The following DMRT1 variants were observed in gnomAD, a reference collection of about 807,000 sequenced individuals.
DMRT1 encodes doublesex- and mab-3-related transcription factor 1.
A neutral mutation model predicts 32.3 loss-of-function variants in DMRT1; 7 were observed. The ratio of observed to expected loss-of-function variants is 0.22; its 90% CI spans 0.12 to 0.41. The LOEUF is 0.41. DMRT1 is among the 10% of genes least tolerant of loss of function. The pLI is 1.00. For missense variants in DMRT1, 625 were observed against 500.5 expected (o/e 1.25, Z -2.37); for synonymous variants, 278 against 206.1 (o/e 1.35, Z -2.99).
intron 4 of DMRT1, among the ~76,000 whole-genome samples, chr9:932,874 C>T (rs949167829): frequency 2.0e-5 from 3 of 151,876 alleles, no homozygotes; most frequent in South Asian, 4.2e-4. Context: ...GGAAGATGTG[C>T]ATGGGGCGCG....
intron 2 of DMRT1, among the ~76,000 whole-genome samples, chr9:878,301 G>C (rs1279967957): frequency 6.7e-6 from 1 of 149,382 alleles, no homozygotes; most frequent in East Asian, 2.0e-4. Context: ...AGATGGGACT[G>C]TGGGAGACAG....
chr9:949,827 G>A (rs1819371906), intron 4 of DMRT1, among the ~76,000 whole-genome samples: 1 of 152,160 alleles, frequency 6.6e-6, no homozygotes, highest in Non-Finnish European at 1.5e-5. Flanking sequence ...GTCCTTCCGT[G>A]TCTGGCTTAT....
intron 4 of DMRT1, among the ~76,000 whole-genome samples, chr9:952,243 C>T (rs73380482): frequency 0.03 from 4,527 of 152,208 alleles, 242 homozygotes; most frequent in African/African-American, 0.1. Context: ...CTGTGAATTA[C>T]GTAACCAAAT....
intron 4 of DMRT1, among the ~76,000 whole-genome samples, chr9:966,488 T>G (rs145700739): frequency 6.6e-6 from 1 of 152,338 alleles, no homozygotes; most frequent in Non-Finnish European, 1.5e-5. Context: ...TTTTTCAAAT[T>G]TATTCACTTA....
At chr9:866,600 A>G (rs915230779) in intron 2 of DMRT1, among the ~76,000 whole-genome samples, 40 of 152,242 alleles carry the variant, frequency 2.6e-4, no homozygotes, top group African/African-American at 9.2e-4. Flanking sequence ...GAAAGCAACG[A>G]GAGAGTCTCA....
At chr9:875,364 C>T (rs2370214) in intron 2 of DMRT1, among the ~76,000 whole-genome samples, 117,723 of 152,066 alleles carry the variant, frequency 0.77, 45,823 homozygotes, top group East Asian at 0.86. Context: ...GACCTGGGCC[C>T]GACAGCTTTA....
intron 4 of DMRT1, among the ~76,000 whole-genome samples, chr9:921,175 C>A (rs547927119): frequency 6.6e-6 from 1 of 152,246 alleles, no homozygotes; most frequent in Non-Finnish European, 1.5e-5. Flanking sequence ...CTCCTCCAGC[C>A]CCCTGGTAAT....
At chr9:882,944 G>T (rs1816789841) in intron 2 of DMRT1, among the ~76,000 whole-genome samples, 1 of 151,586 alleles carries the variant, frequency 6.6e-6, no homozygotes, top group East Asian at 2.0e-4. Flanking sequence ...GCTAATTTTT[G>T]TATTTTTAGT....
At chr9:887,783 C>T (rs770613901) in intron 2 of DMRT1, among the ~76,000 whole-genome samples, 7 of 152,134 alleles carry the variant, frequency 4.6e-5, no homozygotes, top group Non-Finnish European at 8.8e-5. Context: ...ACTGTCACTG[C>T]GGCACTTGGA....
intron 2 of DMRT1, among the ~76,000 whole-genome samples, chr9:856,630 T>C (rs1308306329): frequency 6.6e-6 from 1 of 152,254 alleles, no homozygotes; most frequent in Non-Finnish European, 1.5e-5. Context: ...ATTATTTTTC[T>C]GTTTATCAGC....
chr9:892,305 G>A (rs1031049205), intron 2 of DMRT1, among the ~76,000 whole-genome samples: 3 of 151,952 alleles, frequency 2.0e-5, no homozygotes, highest in Admixed American at 1.3e-4. Context: ...TCCCTTCCTT[G>A]CCCAGATGGA....
At chr9:948,347 A>G (rs1392369350) in intron 4 of DMRT1, among the ~76,000 whole-genome samples, 1 of 152,054 alleles carries the variant, frequency 6.6e-6, no homozygotes, top group Non-Finnish European at 1.5e-5. Flanking sequence ...TATTTGGCCC[A>G]TTTTTTCTCC....
intron 2 of DMRT1, among the ~76,000 whole-genome samples, chr9:850,415 T>C (rs1458247924): frequency 6.6e-6 from 1 of 152,166 alleles, no homozygotes; most frequent in Non-Finnish European, 1.5e-5. Flanking sequence ...CTAACAAATA[T>C]ATAGCTTATA....
intron 3 of DMRT1, chr9:894,647 G>T: frequency 3.7e-6 from 1 of 271,778 alleles, no homozygotes. Context: ...TAATCTGCGT[G>T]ATGAATTTGC....
chr9:933,399 A>G (rs1818788672), intron 4 of DMRT1, among the ~76,000 whole-genome samples: 2 of 152,244 alleles, frequency 1.3e-5, no homozygotes, highest in Non-Finnish European at 2.9e-5. Context: ...ACAAAGACCA[A>G]GTATGTTTCT....
chr9:945,717 G>T (rs544845021), intron 4 of DMRT1, among the ~76,000 whole-genome samples: 17 of 144,794 alleles, frequency 1.2e-4, no homozygotes, highest in Admixed American at 4.8e-4. Flanking sequence ...CTGATGAGTT[G>T]CTTTTTTAAA....
At chr9:934,203 C>G (rs1039118012) in intron 4 of DMRT1, among the ~76,000 whole-genome samples, 2 of 152,098 alleles carry the variant, frequency 1.3e-5, no homozygotes, top group East Asian at 1.9e-4. Context: ...AGCATTCATC[C>G]CTTATCAGAT....
intron 4 of DMRT1, among the ~76,000 whole-genome samples, chr9:962,953 C>G (rs1012291741): frequency 1.3e-5 from 2 of 152,144 alleles, no homozygotes; most frequent in Non-Finnish European, 2.9e-5. Context: ...GCTTGCTTGG[C>G]TCTGTTCCTT....
chr9:877,069 A>G (rs555687474), intron 2 of DMRT1, among the ~76,000 whole-genome samples: 12 of 149,028 alleles, frequency 8.1e-5, no homozygotes, highest in African/African-American at 3.0e-4. Context: ...GAAACAAGGG[A>G]TGAAATTACC....
Sources: gnomAD v4.1 joint callset for allele counts (sites outside exome capture counted in the v4.1 genomes callset) on GRCh38, gnomAD v4.1.1 for gene constraint, MANE v1.5 for transcripts, NCBI Gene and HGNC (gene_info 2026-07-23, HGNC 2026-07-21) for gene names.